CCDC3: variants seen among roughly 807,000 people sequenced by gnomAD.
CCDC3 encodes coiled-coil domain containing 3, also known as coiled-coil domain-containing protein 3.
In CCDC3, 24 loss-of-function variants were observed where a neutral mutation model predicts 21.4. The ratio of observed to expected loss-of-function variants is 1.12; its 90% CI spans 0.81 to 1.58. CCDC3 has a LOEUF of 1.58. Among genes scored for constraint, CCDC3 ranks in the 40% most tolerant of loss-of-function variants. The pLI is 0.00. For missense variants in CCDC3, 425 were observed against 360.9 expected (o/e 1.18, Z -1.44); for synonymous variants, 186 against 166.0 (o/e 1.12, Z -0.93).
At chr10:12,944,091 T>C (rs891587088) in intron 2 of CCDC3, among the ~76,000 whole-genome samples, 1 of 152,118 alleles carries the variant, frequency 6.6e-6, no homozygotes, top group African/African-American at 2.4e-5. Context: ...GTGACTCCAG[T>C]AGAGTACCAC....
chr10:13,037,583 C>T (rs1217594338), intron 5 of CCDC3, among the ~76,000 whole-genome samples: 5 of 152,248 alleles, frequency 3.3e-5, no homozygotes, highest in African/African-American at 4.8e-5. Flanking sequence ...TGAGGAAATT[C>T]GGTGCATTGT....
chr10:13,057,461 G>A (rs1836695633), intron 4 of CCDC3, among the ~76,000 whole-genome samples: 2 of 128,518 alleles, frequency 1.6e-5, no homozygotes, highest in Admixed American at 8.1e-5. Context: ...TTCTTCTTTT[G>A]TTTTCTTAAA....
At chr10:12,939,145 T>TATCA (rs2131236042) in intron 2 of CCDC3, among the ~76,000 whole-genome samples, 1 of 152,140 alleles carries the variant, frequency 6.6e-6, no homozygotes, top group East Asian at 1.9e-4. Context: ...AACGCTTTCC[T>TATCA]ATCACTTCCG....
intron 2 of CCDC3, among the ~76,000 whole-genome samples, chr10:12,997,740 C>T (rs1053676958): frequency 6.6e-6 from 1 of 152,154 alleles, no homozygotes; most frequent in African/African-American, 2.4e-5. Flanking sequence ...GTATTGAGCA[C>T]TTACTCTTTT....
intron 5 of CCDC3, among the ~76,000 whole-genome samples, chr10:13,045,270 C>G (rs1195177616): frequency 4.6e-5 from 7 of 152,110 alleles, no homozygotes; most frequent in Non-Finnish European, 1.0e-4. Flanking sequence ...CTCCAGGTAT[C>G]AAAGAAATCT....
In CCDC3 at chr10:12,940,223, GA is replaced by G. The variant is rs1396097051; in HGVS notation, c.550-41545del. On this transcript the variant is annotated intron_variant, in intron 2 of 2. Coordinates refer to ENST00000378825, the MANE Select transcript of CCDC3 (RefSeq NM_031455.4). Reference sequence around the variant, plus strand: ...GAAGGCATCTGGAGAAAGAATCATTGAAATTGTTTTTTTTTTTTTTTTTTTT... The same window carrying G: ...GAAGGCATCTGGAGAAAGAATCATTGAATTGTTTTTTTTTTTTTTTTTTTT... Among the ~76,000 whole-genome samples, 4 of 124,230 alleles carry G rather than the reference GA, an allele frequency of 3.2e-5. No homozygotes were observed. In the East Asian group the frequency reaches 7.8e-4, roughly 24 times the overall value. 81.5% of individuals were successfully genotyped at this position (124,230 alleles called of 152,430 possible).
At chr10:13,037,391 C>A (rs1230074526) in intron 5 of CCDC3, among the ~76,000 whole-genome samples, 1 of 152,146 alleles carries the variant, frequency 6.6e-6, no homozygotes, top group African/African-American at 2.4e-5. Flanking sequence ...CAAAATTAAT[C>A]ATCTGACACT....
intron 3 of CCDC3, among the ~76,000 whole-genome samples, chr10:13,074,495 C>T (rs1209282139): frequency 1.3e-5 from 2 of 151,428 alleles, no homozygotes; most frequent in Non-Finnish European, 2.9e-5. Context: ...GGAATCAAAT[C>T]TTTTCTTCTG....
intron 2 of CCDC3, among the ~76,000 whole-genome samples, chr10:12,992,326 T>C (rs561224922): frequency 2.0e-5 from 3 of 152,068 alleles, no homozygotes; most frequent in Admixed American, 6.5e-5. Flanking sequence ...ACTGCGGAGG[T>C]TGCAGTGAGC....
At chr10:12,937,433 A>G (rs1444310855) in intron 2 of CCDC3, among the ~76,000 whole-genome samples, 1 of 152,132 alleles carries the variant, frequency 6.6e-6, no homozygotes, top group East Asian at 1.9e-4. Context: ...ATCAGATATC[A>G]TCATGTCACG....
intron 5 of CCDC3, among the ~76,000 whole-genome samples, chr10:13,028,327 G>A (rs115430083): frequency 0.025 from 3,779 of 152,232 alleles, 78 homozygotes; most frequent in South Asian, 0.062. Flanking sequence ...CTTCTGACAT[G>A]ATTGTGAGGC....
At chr10:12,903,785 G>T (rs1160573390) in intron 2 of CCDC3, among the ~76,000 whole-genome samples, 1 of 152,228 alleles carries the variant, frequency 6.6e-6, no homozygotes, top group Non-Finnish European at 1.5e-5. Flanking sequence ...GTTAGGCTGG[G>T]ATATCCATAC....
intron 4 of CCDC3, among the ~76,000 whole-genome samples, chr10:13,057,508 T>A (rs774728170): frequency 6.6e-6 from 1 of 152,246 alleles, no homozygotes; most frequent in South Asian, 2.1e-4. Context: ...AATTTCCACA[T>A]CAGAATCATC....
chr10:13,086,380 T>A (rs1199607087), intron 3 of CCDC3, among the ~76,000 whole-genome samples: 1 of 152,252 alleles, frequency 6.6e-6, no homozygotes, highest in African/African-American at 2.4e-5. Context: ...AATATTCACA[T>A]CAATATTTAA....
intron 1 of CCDC3, among the ~76,000 whole-genome samples, chr10:12,999,724 C>T (rs112541502): frequency 0.035 from 5,330 of 152,306 alleles, 104 homozygotes; most frequent in Non-Finnish European, 0.041. Flanking sequence ...AACTGTATTT[C>T]ATGATAAAAA....
intron 4 of CCDC3, among the ~76,000 whole-genome samples, chr10:13,063,383 C>T (rs1836785075): frequency 6.7e-6 from 1 of 150,312 alleles, no homozygotes; most frequent in Non-Finnish European, 1.5e-5. Context: ...TCCAGTCTTC[C>T]TATACACTCC....
chr10:12,987,689 A>C (rs1485694001), intron 2 of CCDC3, among the ~76,000 whole-genome samples: 2 of 152,186 alleles, frequency 1.3e-5, no homozygotes, highest in Non-Finnish European at 2.9e-5. Flanking sequence ...TTCCCAAAGG[A>C]AGTGTAATAT....
chr10:12,927,443 A>T (rs1834561688), intron 2 of CCDC3, among the ~76,000 whole-genome samples: 1 of 152,190 alleles, frequency 6.6e-6, no homozygotes, highest in Non-Finnish European at 1.5e-5. Flanking sequence ...TTTTATATTT[A>T]GTTTGTTTAC....
intron 4 of CCDC3, chr10:13,058,239 C>T: frequency 7.4e-7 from 1 of 1,347,640 alleles, no homozygotes; most frequent in Non-Finnish European, 1.0e-6. Flanking sequence ...AGGCCTGCAT[C>T]CAAATAGCAG....
Sources: allele counts gnomAD v4.1 joint callset (sites outside exome capture counted in the v4.1 genomes callset), GRCh38; gene constraint gnomAD v4.1.1; transcripts MANE v1.5; gene names NCBI Gene and HGNC (gene_info 2026-07-23, HGNC 2026-07-21).